Variants in DHX16 observed in about 807,000 individuals in gnomAD.
DHX16 encodes the protein DEAH-box helicase 16, also known as pre-mRNA-splicing factor ATP-dependent RNA helicase DHX16.
In DHX16, 81 loss-of-function variants were observed where a neutral mutation model predicts 131.2. That is an observed-to-expected ratio of 0.62 (90% CI 0.52 to 0.74). The LOEUF (loss-of-function observed/expected upper bound fraction) is 0.74. Among genes scored for constraint, DHX16 ranks in the 30% least tolerant of loss-of-function variants. The pLI, the probability that DHX16 is intolerant of heterozygous loss-of-function variation, is 0.00. For synonymous variants in DHX16, 440 were observed against 520.2 expected, an observed-to-expected ratio of 0.85 and a Z score of 2.10; for missense variants, 980 against 1,363.1, an observed-to-expected ratio of 0.72 and a Z score of 4.43.
chr6:30,662,836 C>T lies in DHX16; in HGVS notation c.1428+75G>A, dbSNP rs1768640714. On this transcript the variant is annotated intron_variant, in intron 8 of 19. Transcript: ENST00000376442. The surrounding 1 kb of genome is among the most constrained non-coding windows in gnomAD (Gnocchi z 4.7). The stretch of plus-strand genomic sequence containing the variant: ...AAGTGGGGCAGCACCAAGACTTCTG[C>T]TGTAGGGACCTGAGGGAACTGTAGA... 1 of 1,554,860 alleles carries T rather than the reference C, an allele frequency of 6.4e-7. No individual in the cohort carries two copies. The highest frequency in any genetic ancestry group is 1.7e-5 in the Admixed American group (1 of 59,644).
In DHX16 at chr6:30,665,466, C is replaced by T. The variant is rs1476681483; in HGVS notation, c.921+13G>A. 5.0e-6 allele frequency: 8 copies of T among 1,608,934 alleles called. No individual in the cohort carries two copies. The highest frequency in any genetic ancestry group is 2.2e-5 in the East Asian group (1 of 44,804). On this transcript the variant is annotated intron_variant, in intron 5 of 19. Transcript: ENST00000376442. The surrounding 1 kb of genome is among the most constrained non-coding windows in gnomAD (Gnocchi z 4.8). ...TGGGGACCAAGGCTGAAGCAGACGC[C>T]GCTTCACCTCACCTGTCCTCGGGTT...
chr6:30,672,849 C>CA lies in DHX16; in HGVS notation c.-9dup. 1 of 1,612,180 alleles carries CA rather than the reference C, an allele frequency of 6.2e-7. No individual in the cohort carries two copies. Among genetic ancestry groups the CA allele is most frequent in the African/African-American group, 1.3e-5 (1 of 75,050 alleles). On this transcript the variant is annotated 5_prime_UTR_variant, in exon 1 of 20. Transcript: ENST00000376442. ...ACCCGCCGGCGTCGCCATGGCGACT[C>CA]ACGCTCCCTGCTCCCGGCCCTGAAG...
rs1767980783 is a variant in DHX16, at chr6:30,656,353, T to TGG, written c.2430+37_2430+38insCC. On this transcript the variant is annotated intron_variant, in intron 15 of 19. Transcript: ENST00000376442. The surrounding 1 kb of genome is among the most constrained non-coding windows in gnomAD (Gnocchi z 5.1). ...GGGTCCCTGGAGCCATCCTGACCCC[T>TGG]ATCATCCTGCCTCCACCCATGCTGT... is the stretch of plus-strand genomic sequence containing the variant. 1 of 1,611,144 alleles carries TGG rather than the reference T, an allele frequency of 6.2e-7. No individual in the cohort carries two copies. The highest frequency in any genetic ancestry group is 1.3e-5 in the African/African-American group (1 of 74,834).
chr6:30,664,692 G>A (rs1768845481), intron 7 of DHX16, 109 bp downstream of exon 7: 1 of 994,944 alleles, frequency 1.0e-6, no homozygotes, highest in Non-Finnish European at 1.5e-6. Context: ...CAATTTAGTG[G>A]AAAAGATAGG....
intron 7 of DHX16, among the ~76,000 whole-genome samples, chr6:30,663,733 A>AG (rs1027652207): frequency 0.018 from 2,692 of 150,240 alleles, 68 homozygotes; most frequent in African/African-American, 0.054. Flanking sequence ...AAAAAAAAAA[A>AG]AAAAAATTTC....
rs754697198 is a variant in DHX16 at position 30,655,220 on chromosome 6, T to C, written c.2778A>G (p.Glu926=). The change falls in exon 18 of 20, where the codon GAA becomes GAG. Residue 926 remains glutamate, a synonymous_variant. Transcript: ENST00000376442. ...CCCCCTGGCAGGAACTGAGACCAAC[T>C]TCCACACGTTCCAAGAGCCCTTCCA... is the stretch of plus-strand genomic sequence containing the variant. The part of the protein sequence containing the change: ...EQLEGLLERV[E]VGLSSCQGDY... The C allele has an allele frequency of 1.9e-6, 3 of 1,614,172 alleles. No homozygotes were observed. The highest frequency in any genetic ancestry group is 2.2e-5 in the East Asian group (1 of 44,886).
At chr6:30,653,430 GTTAT>G (rs1440759930) in intron 19 of DHX16, 60 bp from the exon 20 acceptor site, 149 of 1,531,748 alleles carry the variant, frequency 9.7e-5, no homozygotes, top group Non-Finnish European at 1.2e-4. Flanking sequence ...TTTTGTTGTT[GTTAT>G]TTTTTTTTCT....
At chr6:30,653,423 T>C (rs1277254435) in intron 19 of DHX16, 53 bp from the exon 20 acceptor site, 2 of 1,546,436 alleles carry the variant, frequency 1.3e-6, no homozygotes, top group Non-Finnish European at 1.7e-6. Flanking sequence ...ATAGATCTTT[T>C]GTTGTTGTTA....
At chr6:30,657,530 TG>T (rs1358605397) in intron 12 of DHX16, among the ~76,000 whole-genome samples, 2 of 151,980 alleles carry the variant, frequency 1.3e-5, no homozygotes, top group African/African-American at 4.8e-5. Flanking sequence ...CATCCTTCAG[TG>T]GCTTCCTATC....
rs766524035 is a variant in DHX16 at position 30,665,141 on chromosome 6, T to C, written c.1055A>G (p.Lys352Arg). 2.9e-5 allele frequency: 47 copies of C among 1,613,830 alleles called. No homozygotes were observed. The South Asian group carries it at 3.8e-4, about 13-fold the overall frequency. ...GARDAASQEP[K>R]YQLVLEEEET... Reference sequence around the variant, plus strand: ...CTCCTCCTCCAGCACCAGTTGATACTTGGGCTCCTGAGAGGCAGCATCTCG... The same window carrying C: ...CTCCTCCTCCAGCACCAGTTGATACCTGGGCTCCTGAGAGGCAGCATCTCG... The change falls in exon 6 of 20, where the codon AAG (lysine) becomes AGG (arginine). Residue 352 changes from lysine (K) to arginine (R), a missense_variant. By Grantham distance (26) the Lys-to-Arg change is conservative. Transcript: ENST00000376442. This position sits in a 1 kb window ranked among gnomAD's most constrained non-coding sequence, Gnocchi z 4.8.
chr6:30,666,783 G>A (rs926363319), intron 4 of DHX16, among the ~76,000 whole-genome samples: 2 of 152,072 alleles, frequency 1.3e-5, no homozygotes, highest in African/African-American at 4.8e-5. Context: ...ACTCCAGCCT[G>A]AGCAACAAGA....
Position 30,670,881 on chromosome 6 carries a change from T to C in DHX16, c.518A>G (p.Gln173Arg), listed in dbSNP as rs1395329702. Residue 173 changes from glutamine (Q) to arginine (R), a missense_variant, in exon 3 of 20, where the codon CAG becomes CGG. Physicochemically the swap from Gln to Arg is conservative, Grantham distance 43. Coordinates refer to ENST00000376442, the MANE Select transcript of DHX16 (RefSeq NM_003587.5). This position sits in a 1 kb window ranked among gnomAD's most constrained non-coding sequence, Gnocchi z 4.4. ...EWERTERERL[Q>R]DLEERDAFAE... ...AAAGGCATCACGCTCCTCCAGGTCCTGAAGGCGTTCACGCTCTGTCCGTTC... is the reference window on the plus strand; with the variant it reads ...AAAGGCATCACGCTCCTCCAGGTCCCGAAGGCGTTCACGCTCTGTCCGTTC... 6.2e-7 allele frequency: 1 copy of C among 1,613,098 alleles called. No homozygotes were observed. The highest frequency in any genetic ancestry group is 8.5e-7 in the Non-Finnish European group (1 of 1,180,032).
chr6:30,657,336 T>TG (rs1468190225), intron 12 of DHX16, among the ~76,000 whole-genome samples: 1 of 151,024 alleles, frequency 6.6e-6, no homozygotes, highest in Non-Finnish European at 1.5e-5. Flanking sequence ...GGTTTTTTTT[T>TG]TTTTTCAGAG....
At chr6:30,664,774 G>A (rs755774174) in intron 7 of DHX16, 27 bp downstream of exon 7, 8 of 1,589,854 alleles carry the variant, frequency 5.0e-6, no homozygotes, top group Non-Finnish European at 6.9e-6. Context: ...AGGTGCCCTG[G>A]CAAGCTGAAG....
Position 30,672,723 on chromosome 6 carries a change from G to A in DHX16, c.119C>T (p.Ala40Val), listed in dbSNP as rs1562005531. The change falls in exon 1 of 20, where the codon GCC becomes GTC. Residue 40 changes from alanine to valine, a missense_variant. By Grantham distance (64) the Ala-to-Val change is moderately conservative. Around this residue, in one of 3 missense-constraint regions of DHX16, gnomAD observed 457 missense variants for 554.8 expected, o/e 0.82. Transcript: ENST00000376442. ...LIGTAQRCTS[A>V]EEFVQRLRDT... ...TCGTAGGCGCTGCACGAACTCCTCG[G>A]CAGAGGTGCAGCGCTGTGCGGTACC... is the stretch of plus-strand genomic sequence containing the variant. The A allele has an allele frequency of 6.2e-7, 1 of 1,613,016 alleles. No individual in the cohort carries two copies. The highest frequency in any genetic ancestry group is 8.5e-7 in the Non-Finnish European group (1 of 1,179,998).
At position 30,659,737 on chromosome 6, in the gene DHX16, T is replaced by G; in HGVS notation, c.1853A>C (p.Gln618Pro). Residue 618 changes from glutamine (Q) to proline (P), a missense_variant and splice_region_variant, in exon 11 of 20, where the codon CAG (glutamine) becomes CCG (proline). This residue lies in a region of DHX16 where 309 missense variants were observed against 537.1 expected (regional missense o/e 0.58). Coordinates refer to ENST00000376442, the MANE Select transcript of DHX16 (RefSeq NM_003587.5). The stretch of plus-strand genomic sequence containing the variant: ...CCCTCTCCCCACCATGTCAGGCACC[T>G]GTCCTGTCAGGAACACCAGGATATC... ...PGDILVFLTG[Q>P]EEIEAACEML... 1 of 1,613,862 alleles carries G rather than the reference T, an allele frequency of 6.2e-7. No individual in the cohort carries two copies. The highest frequency in any genetic ancestry group is 8.5e-7 in the Non-Finnish European group (1 of 1,179,820).
chr6:30,669,337 C>T (rs1769322511), intron 4 of DHX16, among the ~76,000 whole-genome samples: 1 of 152,054 alleles, frequency 6.6e-6, no homozygotes, highest in African/African-American at 2.4e-5. Flanking sequence ...AGGAGAATCG[C>T]TTGATTCCTC....
At position 30,656,169 on chromosome 6, in the gene DHX16, T is replaced by A. The variant is rs763636447; in HGVS notation, c.2498+29A>T. ...GAGGAGGCCTGGCCTGTTTGTGTGC[T>A]GGGGGCCCAGGTGGAGGCGAGGGCT... On this transcript the variant is annotated intron_variant, in intron 16 of 19. Coordinates refer to ENST00000376442, the MANE Select transcript of DHX16 (RefSeq NM_003587.5). This position sits in a 1 kb window ranked among gnomAD's most constrained non-coding sequence, Gnocchi z 5.1. The A allele has an allele frequency of 6.2e-7, 1 of 1,610,144 alleles. No individual in the cohort carries two copies. The highest frequency in any genetic ancestry group is 8.5e-7 in the Non-Finnish European group (1 of 1,178,946).
In DHX16 at chr6:30,665,327, C is replaced by T. The variant is rs889604425; in HGVS notation, c.922-53G>A. The T allele has an allele frequency of 2.5e-6, 4 of 1,593,548 alleles. No homozygotes were observed. The highest frequency in any genetic ancestry group is 1.3e-5 in the African/African-American group (1 of 74,672). On this transcript the variant is annotated intron_variant, in intron 5 of 19. Transcript: ENST00000376442. This position sits in a 1 kb window ranked among gnomAD's most constrained non-coding sequence, Gnocchi z 4.8. ...TCAAAAACAGGATGTCCTCTCTGCC[C>T]TCTCCCCTCTTCCCATTACTACCCC...
Sources: allele counts gnomAD v4.1 joint callset (sites outside exome capture counted in the v4.1 genomes callset), GRCh38; gene constraint gnomAD v4.1.1; regional missense constraint gnomAD v4.1.1; non-coding constraint Gnocchi (gnomAD v3.1); transcripts MANE v1.5; gene names NCBI Gene and HGNC (gene_info 2026-07-23, HGNC 2026-07-21).